Variants in OPN4 observed in about 807,000 individuals in gnomAD.
OPN4 encodes the protein opsin 4.
Under a neutral mutation model 49.5 loss-of-function variants are expected in OPN4, and 43 were observed. That is an observed-to-expected ratio of 0.87 (90% CI 0.68 to 1.12). OPN4 has a LOEUF of 1.12. Ranked by LOEUF, OPN4 falls within the 50% of genes most tolerant of loss-of-function variation. The pLI is 0.00. For synonymous variants in OPN4, 263 were observed against 258.0 expected, an observed-to-expected ratio of 1.02 and a Z score of -0.19; for missense variants, 657 against 643.9, an observed-to-expected ratio of 1.02 and a Z score of -0.22.
chr10:86,658,036 A>G lies in OPN4; in HGVS notation c.295A>G (p.Arg99Gly). Residue 99 changes from arginine to glycine, a missense_variant, in exon 3 of 10, where the codon AGA becomes GGA. By Grantham distance (125) the Arg-to-Gly change is moderately radical. Transcript: ENST00000241891. ...AACAGCTTCTGATCCTCCCAGGAGC[A>G]GAAGCCTCCGGACACCTGCCAACAT... ...LTVIYTFCRSRSLRTPANMFI... is the reference protein window; with the variant it reads ...LTVIYTFCRSGSLRTPANMFI... 1 of 1,612,734 alleles carries G rather than the reference A, an allele frequency of 6.2e-7. No homozygotes were observed. Among genetic ancestry groups the G allele is most frequent in the Non-Finnish European group, 8.5e-7 (1 of 1,179,878 alleles).
At chr10:86,656,444 T>A (rs1355050919) in intron 2 of OPN4, 144 bp downstream of exon 2, 3 of 1,088,116 alleles carry the variant, frequency 2.8e-6, no homozygotes, top group East Asian at 5.0e-5. Flanking sequence ...ATGCCTTCGA[T>A]GATCTCAGGC....
Position 86,658,616 on chromosome 10 carries a change from G to T in OPN4, c.557G>T (p.Arg186Leu). The T allele has an allele frequency of 1.2e-6, 2 of 1,614,148 alleles. No individual in the cohort carries two copies. Among genetic ancestry groups the T allele is most frequent in the Non-Finnish European group, 1.7e-6 (2 of 1,180,050 alleles). Residue 186 changes from arginine (R) to leucine (L), a missense_variant, in exon 4 of 10, where the codon CGT becomes CTT. Arg to Leu is a moderately radical substitution (Grantham distance 102). Transcript: ENST00000241891. ...LATFGVASKR[R>L]AAFVLLGVWL... The stretch of plus-strand genomic sequence containing the variant: ...ACCTTTGGTGTGGCGTCCAAGAGGC[G>T]TGCGGCATTTGTCCTGCTGGGCGTT...
chr10:86,661,444 T>C (rs1329061455), intron 7 of OPN4, 56 bp downstream of exon 7: 1 of 1,357,000 alleles, frequency 7.4e-7, no homozygotes, highest in Non-Finnish European at 1.0e-6. Flanking sequence ...GGCCTGCCGA[T>C]GGGGGCAGAG....
In OPN4 at chr10:86,658,179, C is replaced by A; in HGVS notation, c.424+14C>A. ...TTGGGGAGACAGGTAGATGCTGGGG[C>A]TCCCTTTTGCTGGAGGGAGGAGGAG... On this transcript the variant is annotated intron_variant, in intron 3 of 9. Transcript: ENST00000241891. 6.8e-6 allele frequency: 11 copies of A among 1,611,628 alleles called. No individual in the cohort carries two copies. The highest frequency in any genetic ancestry group is 1.1e-5 in the South Asian group (1 of 90,488).
At position 86,662,117 on chromosome 10, in the gene OPN4, A is replaced by G. The variant is rs896542860; in HGVS notation, c.1074-135A>G. On this transcript the variant is annotated intron_variant, in intron 7 of 9. Transcript: ENST00000241891. ...GTCCTCATCACCTGCCATGGTTCCCAGGGTCTGAGCCTCCCCATTTCCCCA... is the reference window on the plus strand; with the variant it reads ...GTCCTCATCACCTGCCATGGTTCCCGGGGTCTGAGCCTCCCCATTTCCCCA... 79 of 687,116 alleles carry G rather than the reference A, an allele frequency of 1.1e-4. No individual in the cohort carries two copies. The African/African-American group carries it at 1.3e-3, about 11-fold the overall frequency. 42.6% of individuals were successfully genotyped at this position (687,116 alleles called of 1,614,324 possible).
Position 86,662,413 on chromosome 10 carries a change from T to A in OPN4, c.1235T>A (p.Leu412Gln). 1 of 1,553,798 alleles carries A rather than the reference T, an allele frequency of 6.4e-7. No individual in the cohort carries two copies. The highest frequency in any genetic ancestry group is 8.7e-7 in the Non-Finnish European group (1 of 1,150,610). ...TCCATACGGAGGCGCCAGGAGTCCC[T>A]GGGCTCGGAGAGTGAGGTGGTAAGG... ...WISIRRRQES[L>Q]GSESEVGWTH... The change falls in exon 8 of 10, where the codon CTG (leucine) becomes CAG (glutamine). Residue 412 changes from leucine to glutamine, a missense_variant. Leu to Gln is a moderately radical substitution (Grantham distance 113, BLOSUM62 -2). Transcript: ENST00000241891.
At chr10:86,664,003 A>C (rs1223579849) in intron 9 of OPN4, 6 of 604,400 alleles carry the variant, frequency 9.9e-6, no homozygotes, top group African/African-American at 1.9e-5. Context: ...CAGGGCCTGC[A>C]TATGGTCTGC....
intron 9 of OPN4, 76 bp from the exon 10 acceptor site, chr10:86,665,637 T>G: frequency 1.6e-6 from 2 of 1,222,628 alleles, no homozygotes; most frequent in Non-Finnish European, 2.4e-6. Flanking sequence ...GGTGACCCAG[T>G]GTGTGGAGGG....
chr10:86,654,748 C>A lies in OPN4; in HGVS notation c.-36C>A, dbSNP rs536466982. 26 of 1,587,434 alleles carry A rather than the reference C, an allele frequency of 1.6e-5. 1 individual carries two copies. The South Asian group carries it at 2.8e-4, about 17-fold the overall frequency. On this transcript the variant is annotated 5_prime_UTR_variant, in exon 1 of 10. Coordinates refer to ENST00000241891, the MANE Select transcript of OPN4 (RefSeq NM_033282.4). ...CCTGAGCTCCCTGTGCCCTTGACTT[C>A]TCTGTGGGCTCGAGCAAGGACCATC... is the stretch of plus-strand genomic sequence containing the variant.
rs745491974 is a variant in OPN4 at position 86,659,365 on chromosome 10, C to A, written c.697C>A (p.Arg233Ser). ...WDYMSFTPAV[R>S]AYTMLLCCFV... ...CTACATGAGCTTCACGCCGGCCGTG[C>A]GTGCCTACACCATGCTTCTCTGCTG... The change falls in exon 5 of 10, where the codon CGT becomes AGT. Residue 233 changes from arginine (R) to serine (S), a missense_variant. Physicochemically the swap from Arg to Ser is moderately radical, Grantham distance 110. Coordinates refer to ENST00000241891, the MANE Select transcript of OPN4 (RefSeq NM_033282.4). 8.1e-6 allele frequency: 13 copies of A among 1,613,910 alleles called. No homozygotes were observed. The highest frequency in any genetic ancestry group is 1.3e-5 in the African/African-American group (1 of 74,942).
intron 9 of OPN4, among the ~76,000 whole-genome samples, chr10:86,664,144 G>A (rs1012894827): frequency 6.6e-6 from 1 of 152,192 alleles, no homozygotes; most frequent in East Asian, 1.9e-4. Flanking sequence ...AGCATAGCTC[G>A]AGCATGTGTG....
intron 9 of OPN4, among the ~76,000 whole-genome samples, chr10:86,664,330 G>C (rs1844092309): frequency 6.6e-6 from 1 of 152,182 alleles, no homozygotes; most frequent in East Asian, 1.9e-4. Context: ...GACATACCTG[G>C]GGAGGAAGGG....
intron 7 of OPN4, 66 bp from the exon 8 acceptor site, chr10:86,662,184 GCA>G: frequency 7.1e-7 from 1 of 1,403,326 alleles, no homozygotes; most frequent in East Asian, 2.4e-5. Context: ...ACCAGCCTGT[GCA>G]CCCATCCCCT....
intron 3 of OPN4, 58 bp from the exon 4 acceptor site, chr10:86,658,426 G>A: frequency 6.4e-7 from 1 of 1,572,030 alleles, no homozygotes; most frequent in African/African-American, 1.4e-5. Flanking sequence ...CCAGAGCAGA[G>A]TCTACCCTGT....
intron 6 of OPN4, 37 bp downstream of exon 6, chr10:86,660,096 G>T: frequency 6.2e-7 from 1 of 1,609,188 alleles, no homozygotes; most frequent in South Asian, 1.1e-5. Context: ...AGAGGCTGAA[G>T]GTGTGGGGGC....
intron 6 of OPN4, 30 bp from the exon 7 acceptor site, chr10:86,661,251 A>AG: frequency 6.3e-7 from 1 of 1,577,022 alleles, no homozygotes; most frequent in Non-Finnish European, 8.7e-7. Flanking sequence ...AGGGCCAGCT[A>AG]GCTTGGGGAC....
Position 86,665,329 on chromosome 10 carries a change from G to T in OPN4, c.1399-384G>T, listed in dbSNP as rs970680279. Among the ~76,000 whole-genome samples, 3 of 152,092 alleles carry T rather than the reference G, an allele frequency of 2.0e-5. No homozygotes were observed. The South Asian group carries it at 6.2e-4, about 32-fold the overall frequency. On this transcript the variant is annotated intron_variant, in intron 9 of 9. Coordinates refer to ENST00000241891, the MANE Select transcript of OPN4 (RefSeq NM_033282.4). ...GGAGGGGGTTGGTTAGCTTTGCAGG[G>T]TGAAGACCAAAGAAGGAAGTGCTGC...
chr10:86,662,490 T>C (rs1844037543), intron 8 of OPN4, 58 bp downstream of exon 8: 1 of 1,483,470 alleles, frequency 6.7e-7, no homozygotes, highest in African/African-American at 1.4e-5. Context: ...CAGGCAGCCC[T>C]GGGGCTCTGG....
At position 86,659,876 on chromosome 10, in the gene OPN4, G is replaced by A; in HGVS notation, c.801-19G>A. ...TGCCACCCGACTAGGGTCAGACCTG[G>A]ACGATGCGTCCTTCCTAGGGCTCTC... On this transcript the variant is annotated intron_variant, in intron 5 of 9. Transcript: ENST00000241891. 6.2e-7 allele frequency: 1 copy of A among 1,613,672 alleles called. No individual in the cohort carries two copies. The highest frequency in any genetic ancestry group is 8.5e-7 in the Non-Finnish European group (1 of 1,179,828).
Sources: gnomAD v4.1 joint callset for allele counts (sites outside exome capture counted in the v4.1 genomes callset) on GRCh38, gnomAD v4.1.1 for gene constraint, MANE v1.5 for transcripts, NCBI Gene and HGNC (gene_info 2026-07-23, HGNC 2026-07-21) for gene names.